DCC: variants seen among roughly 807,000 people sequenced by gnomAD.
DCC encodes the protein DCC netrin 1 receptor.
In DCC, 58 loss-of-function variants were observed where a neutral mutation model predicts 172.5. The observed-to-expected ratio is 0.34, with a 90% CI of 0.27 to 0.42. The LOEUF is 0.42. Ranked by LOEUF, DCC falls within the 10% of genes least tolerant of loss-of-function variation. The probability of loss-of-function intolerance (pLI) is 1.00; values close to 1 mark genes in which losing one functional copy is unlikely to be tolerated. For missense variants in DCC, 1,740 were observed against 1,791.0 expected, an observed-to-expected ratio of 0.97 and a Z score of 0.51; for synonymous variants, 709 against 644.5, an observed-to-expected ratio of 1.10 and a Z score of -1.52.
chr18:52,808,221 T>C (rs1358144673), intron 2 of DCC, among the ~76,000 whole-genome samples: 1 of 152,220 alleles, frequency 6.6e-6, no homozygotes, highest in African/African-American at 2.4e-5. Flanking sequence ...TTGCTATGTC[T>C]AAAAGGTCTT....
At chr18:53,384,274 A>ATTT (rs1167979671) in intron 15 of DCC, among the ~76,000 whole-genome samples, 2 of 152,164 alleles carry the variant, frequency 1.3e-5, no homozygotes, top group Non-Finnish European at 2.9e-5. Flanking sequence ...TGAGTATCTA[A>ATTT]AGTTACTCTA....
intron 5 of DCC, among the ~76,000 whole-genome samples, chr18:53,020,550 A>G (rs1018282493): frequency 6.6e-6 from 1 of 152,136 alleles, no homozygotes; most frequent in Admixed American, 6.6e-5. Flanking sequence ...TTTCCTAACA[A>G]TGTGGCATGT....
chr18:52,856,354 G>A (rs1474497364), intron 2 of DCC, among the ~76,000 whole-genome samples: 1 of 151,694 alleles, frequency 6.6e-6, no homozygotes, highest in African/African-American at 2.4e-5. Flanking sequence ...GGCCGGGCGC[G>A]GTGGCTCACG....
chr18:53,493,155 G>C (rs1306674740), intron 26 of DCC, among the ~76,000 whole-genome samples: 1 of 152,144 alleles, frequency 6.6e-6, no homozygotes, highest in African/African-American at 2.4e-5. Flanking sequence ...GAATGCTTGT[G>C]ATTTTTGCAC....
chr18:53,248,958 A>G (rs114362711), intron 12 of DCC, among the ~76,000 whole-genome samples: 53 of 152,126 alleles, frequency 3.5e-4, no homozygotes, highest in African/African-American at 1.2e-3. Context: ...TATTTGCCTG[A>G]AAGTTCCAAT....
chr18:52,835,357 C>T (rs1232177581), intron 2 of DCC, among the ~76,000 whole-genome samples: 4 of 152,118 alleles, frequency 2.6e-5, no homozygotes, highest in East Asian at 3.9e-4. Flanking sequence ...ATTTTTTTCC[C>T]TTGACTTTCA....
intron 7 of DCC, among the ~76,000 whole-genome samples, chr18:53,093,156 C>G (rs768274934): frequency 5.3e-5 from 8 of 152,046 alleles, no homozygotes; most frequent in Non-Finnish European, 1.0e-4. Flanking sequence ...GGGGTGCATG[C>G]CTGTAATCCC....
At chr18:53,523,737 A>T (rs1405142063) in intron 27 of DCC, among the ~76,000 whole-genome samples, 2 of 152,074 alleles carry the variant, frequency 1.3e-5, no homozygotes, top group Non-Finnish European at 2.9e-5. Context: ...GGAGGAGAAC[A>T]TCACACACTG....
intron 1 of DCC, among the ~76,000 whole-genome samples, chr18:52,552,868 C>G (rs2032813845): frequency 6.6e-6 from 1 of 152,024 alleles, no homozygotes; most frequent in Non-Finnish European, 1.5e-5. Flanking sequence ...ACACTTTTCA[C>G]TGATGATATG....
intron 5 of DCC, among the ~76,000 whole-genome samples, chr18:52,998,393 C>T (rs1251785032): frequency 6.6e-6 from 1 of 152,074 alleles, no homozygotes; most frequent in Non-Finnish European, 1.5e-5. Flanking sequence ...GAAACAGCAT[C>T]ACACTCAGAA....
Position 52,462,184 on chromosome 18 carries a change from A to G in DCC, c.91+121306A>G, listed in dbSNP as rs539871971. Among the ~76,000 whole-genome samples, 7 of 152,302 alleles carry G rather than the reference A, an allele frequency of 4.6e-5. No homozygotes were observed. The South Asian group carries it at 1.5e-3, about 32-fold the overall frequency. On this transcript the variant is annotated intron_variant, in intron 1 of 28. Coordinates refer to ENST00000442544, the MANE Select transcript of DCC (RefSeq NM_005215.4). ...AAGAAGTGATAGTGTATTTATGGCAATAACCTCATATGTTGTCTCTTGGCT... is the reference window on the plus strand; with the variant it reads ...AAGAAGTGATAGTGTATTTATGGCAGTAACCTCATATGTTGTCTCTTGGCT...
chr18:52,515,926 TG>T (rs200532452), intron 1 of DCC, among the ~76,000 whole-genome samples: 24 of 48,562 alleles, frequency 4.9e-4, no homozygotes, highest in South Asian at 1.1e-3. Flanking sequence ...AGTTAGAAAA[TG>T]GAAAAAAAAA....
intron 5 of DCC, among the ~76,000 whole-genome samples, chr18:53,017,417 G>C (rs975391227): frequency 2.0e-5 from 3 of 152,092 alleles, no homozygotes; most frequent in African/African-American, 7.2e-5. Flanking sequence ...TTATTAAAGT[G>C]GGTTATTTTT....
rs1327583564 is a variant in DCC at position 53,486,953 on chromosome 18, G to A, written c.3893G>A (p.Ser1298Asn). The A allele has an allele frequency of 6.2e-7, 1 of 1,614,160 alleles. No individual in the cohort carries two copies. Among genetic ancestry groups the A allele is most frequent in the Non-Finnish European group, 8.5e-7 (1 of 1,180,026 alleles). Residue 1298 changes from serine to asparagine, a missense_variant, in exon 26 of 29, where the codon AGT becomes AAT. Around this residue, in one of 2 missense-constraint regions of DCC, gnomAD observed 1,732 missense variants for 1,767.4 expected, o/e 0.98. Transcript: ENST00000442544. ...GACCGAGGTTTCGGAGCAGGAAGAA[G>A]TCAGTGTAATGCATTTTCCTCTCTT... The part of the protein sequence containing the change: ...SVDRGFGAGR[S>N]QSVSEGPTTQ...
intron 1 of DCC, among the ~76,000 whole-genome samples, chr18:52,479,863 C>T (rs1031981382): frequency 1.3e-5 from 2 of 152,022 alleles, no homozygotes; most frequent in African/African-American, 4.8e-5. Flanking sequence ...TTTAACCATA[C>T]TAAGAGAAGT....
intron 5 of DCC, among the ~76,000 whole-genome samples, chr18:52,958,926 G>A (rs893731448): frequency 2.0e-5 from 3 of 152,118 alleles, no homozygotes; most frequent in African/African-American, 7.2e-5. Context: ...GGATGGCTTT[G>A]AATGTGGCCC....
At chr18:52,770,764 G>A (rs1224588423) in intron 2 of DCC, among the ~76,000 whole-genome samples, 1 of 152,184 alleles carries the variant, frequency 6.6e-6, no homozygotes, top group African/African-American at 2.4e-5. Flanking sequence ...GGAAAACCTA[G>A]AGAACAAGGA....
At chr18:53,206,331 AC>A (rs2144553693) in intron 10 of DCC, among the ~76,000 whole-genome samples, 1 of 83,508 alleles carries the variant, frequency 1.2e-5, no homozygotes, top group East Asian at 3.0e-4. Flanking sequence ...GTATTGTAAC[AC>A]ATATATGTAT....
intron 7 of DCC, among the ~76,000 whole-genome samples, chr18:53,144,539 T>C (rs999544100): frequency 2.6e-5 from 4 of 152,070 alleles, no homozygotes; most frequent in Non-Finnish European, 5.9e-5. Flanking sequence ...CTCAGTGTCA[T>C]GAAAACAGCA....
Sources: gnomAD v4.1 joint callset for allele counts (sites outside exome capture counted in the v4.1 genomes callset) on GRCh38, gnomAD v4.1.1 for gene constraint, gnomAD v4.1.1 regional missense constraint, MANE v1.5 for transcripts, NCBI Gene and HGNC (gene_info 2026-07-23, HGNC 2026-07-21) for gene names.